The following SLC38A4 variants were observed in gnomAD, a reference collection of about 807,000 sequenced individuals.
The protein encoded by SLC38A4 is sodium-coupled neutral amino acid transporter 4.
In SLC38A4, 20 loss-of-function variants were observed where a neutral mutation model predicts 63.1. The ratio of observed to expected loss-of-function variants is 0.32; its 90% confidence interval spans 0.22 to 0.46. SLC38A4 has a LOEUF of 0.46. Ranked by LOEUF, SLC38A4 falls within the 20% of genes least tolerant of loss-of-function variation. The pLI, the probability that SLC38A4 is intolerant of heterozygous loss-of-function variation, is 1.00. For synonymous variants in SLC38A4, 230 were observed against 225.5 expected, an observed-to-expected ratio of 1.02 and a Z score of -0.18; for missense variants, 526 against 663.6, an observed-to-expected ratio of 0.79 and a Z score of 2.28.
chr12:46,769,293 C>T lies in SLC38A4; in HGVS notation c.1435G>A (p.Gly479Arg), dbSNP rs775214035. Reference protein sequence around the residue: ...ILVPTIKYIFGFIGASSATML... With the variant: ...ILVPTIKYIFRFIGASSATML... ...CCTTTCTGAAACTCACCTATGAATC[C>T]GAAGATGTATTTTATAGTTGGCACA... Residue 479 changes from glycine to arginine, a missense_variant, in exon 15 of 17, where the codon GGA becomes AGA. Coordinates refer to ENST00000266579, the MANE Select transcript of SLC38A4 (RefSeq NM_018018.5). 1.2e-5 allele frequency: 19 copies of T among 1,612,762 alleles called. No homozygotes were observed. Among genetic ancestry groups the T allele is most frequent in the Non-Finnish European group, 8.5e-7 (1 of 1,179,292 alleles).
rs370701861 is a variant in SLC38A4, at chr12:46,794,556, GA to G, written c.-112-1374del. On this transcript the variant is annotated intron_variant, in intron 2 of 16. Coordinates refer to ENST00000266579, the MANE Select transcript of SLC38A4 (RefSeq NM_018018.5). The stretch of plus-strand genomic sequence containing the variant: ...CAAAAAAAGGAATTCTTAAAAAAAA[GA>G]AAAAAATAGAATCATTGAAATTTAA... Among the ~76,000 whole-genome samples, 141 of 150,422 alleles carry G rather than the reference GA, an allele frequency of 9.4e-4. 6 individuals carry two copies. In the East Asian group the frequency reaches 0.016, roughly 17 times the overall value.
intron 14 of SLC38A4, among the ~76,000 whole-genome samples, chr12:46,770,756 T>A (rs1362374406): frequency 6.6e-6 from 1 of 152,152 alleles, no homozygotes; most frequent in East Asian, 1.9e-4. Context: ...GGAATTACTC[T>A]ATCAGCTTTC....
chr12:46,778,776 C>T lies in SLC38A4; in HGVS notation c.718G>A (p.Val240Met), dbSNP rs1324039897. Residue 240 changes from valine (V) to methionine (M), a missense_variant and splice_region_variant, in exon 11 of 17, where the codon GTG (valine) becomes ATG (methionine). By Grantham distance (21) the Val-to-Met change is conservative. Transcript: ENST00000266579. Reference protein sequence around the residue: ...LTCMVFFVSVVIYKKFQIPCP... With the variant: ...LTCMVFFVSVMIYKKFQIPCP... Reference sequence around the variant, plus strand: ...GGTATTTGGAATTTCTTGTAAATCACCTAGACTCAGTCATTAAAAAAGAAA... The same window carrying T: ...GGTATTTGGAATTTCTTGTAAATCATCTAGACTCAGTCATTAAAAAAGAAA... 6.2e-7 allele frequency: 1 copy of T among 1,608,146 alleles called. No homozygotes were observed. The highest frequency in any genetic ancestry group is 8.5e-7 in the Non-Finnish European group (1 of 1,176,298).
chr12:46,811,682 A>G (rs921516915), intron 1 of SLC38A4, among the ~76,000 whole-genome samples: 6 of 152,066 alleles, frequency 3.9e-5, no homozygotes, highest in African/African-American at 1.2e-4. Flanking sequence ...TTGTGATAAT[A>G]AAGGTTACTG....
intron 2 of SLC38A4, among the ~76,000 whole-genome samples, chr12:46,796,165 A>G (rs1351721014): frequency 6.6e-6 from 1 of 152,062 alleles, no homozygotes; most frequent in East Asian, 1.9e-4. Context: ...ACCTTCAGCT[A>G]TATCCGTTTC....
chr12:46,768,171 CT>C, intron 16 of SLC38A4, 138 bp downstream of exon 16: 1 of 570,210 alleles, frequency 1.8e-6, no homozygotes, highest in East Asian at 3.1e-5. Context: ...CCTTTCTCTG[CT>C]ACCAGAAAGT....
At chr12:46,821,841 T>A (rs1203705282) in intron 1 of SLC38A4, among the ~76,000 whole-genome samples, 1 of 152,166 alleles carries the variant, frequency 6.6e-6, no homozygotes, top group East Asian at 1.9e-4. Flanking sequence ...TGTGTTCCCA[T>A]TTATTTTCTG....
At chr12:46,771,275 G>T (rs1238747652) in intron 14 of SLC38A4, among the ~76,000 whole-genome samples, 1 of 152,034 alleles carries the variant, frequency 6.6e-6, no homozygotes, top group Non-Finnish European at 1.5e-5. Flanking sequence ...GCTTTTTATG[G>T]TATATACATA....
chr12:46,808,505 A>G (rs1939279734), intron 1 of SLC38A4, among the ~76,000 whole-genome samples: 1 of 117,660 alleles, frequency 8.5e-6, no homozygotes, highest in Non-Finnish European at 1.8e-5. Context: ...CTCAGCTGAC[A>G]AAACAAGAAA....
chr12:46,808,321 A>T (rs1350986138), intron 1 of SLC38A4, among the ~76,000 whole-genome samples: 1 of 151,984 alleles, frequency 6.6e-6, no homozygotes, highest in Non-Finnish European at 1.5e-5. Flanking sequence ...TGCTTAGCTG[A>T]TCGCACGCCC....
intron 14 of SLC38A4, among the ~76,000 whole-genome samples, chr12:46,772,302 G>A (rs1938434810): frequency 6.6e-6 from 1 of 152,004 alleles, no homozygotes; most frequent in Non-Finnish European, 1.5e-5. Context: ...TTCAAAACAG[G>A]AGATCTGAAG....
intron 1 of SLC38A4, among the ~76,000 whole-genome samples, chr12:46,805,116 C>A (rs2429473): frequency 0.72 from 109,969 of 151,800 alleles, 40,651 homozygotes; most frequent in Non-Finnish European, 0.8. Flanking sequence ...CATTTAAAAT[C>A]GGGTGGAGAT....
At chr12:46,828,299 T>A (rs975278602), upstream of SLC38A4, among the ~76,000 whole-genome samples, 4 of 152,162 alleles carry the variant, frequency 2.6e-5, no homozygotes, top group African/African-American at 9.7e-5. Flanking sequence ...TCCTTTTTTT[T>A]ATTTTTATTT....
chr12:46,766,695 C>T lies in SLC38A4; in HGVS notation c.*6G>A, dbSNP rs1424947075. 1.3e-6 allele frequency: 2 copies of T among 1,570,466 alleles called. No homozygotes were observed. The highest frequency in any genetic ancestry group is 1.7e-6 in the Non-Finnish European group (2 of 1,143,022). ...CCAATAGAAAAAGAAAGTATTTTTCCTTGTGTTAGTGATGCTTGGAATTTG... is the reference window on the plus strand; with the variant it reads ...CCAATAGAAAAAGAAAGTATTTTTCTTTGTGTTAGTGATGCTTGGAATTTG... On this transcript the variant is annotated 3_prime_UTR_variant, in exon 17 of 17. Coordinates refer to ENST00000266579, the MANE Select transcript of SLC38A4 (RefSeq NM_018018.5).
chr12:46,776,031 A>T (rs1251970849), intron 13 of SLC38A4, among the ~76,000 whole-genome samples: 1 of 152,044 alleles, frequency 6.6e-6, no homozygotes, highest in Non-Finnish European at 1.5e-5. Flanking sequence ...TAGAAAAAAA[A>T]CCTAAGCAAA....
chr12:46,817,903 T>C (rs1939472782), intron 1 of SLC38A4, among the ~76,000 whole-genome samples: 1 of 151,936 alleles, frequency 6.6e-6, no homozygotes, highest in African/African-American at 2.4e-5. Flanking sequence ...AATAGAAAAT[T>C]ATTATTAATA....
chr12:46,813,166 C>G (rs1939373693), intron 1 of SLC38A4, among the ~76,000 whole-genome samples: 1 of 151,914 alleles, frequency 6.6e-6, no homozygotes, highest in South Asian at 2.1e-4. Flanking sequence ...GGGAGAGTTA[C>G]AGCTGAACTG....
At chr12:46,830,650 C>G (rs1011579105), upstream of SLC38A4, among the ~76,000 whole-genome samples, 2 of 152,192 alleles carry the variant, frequency 1.3e-5, no homozygotes, top group East Asian at 1.9e-4. Flanking sequence ...CACCCGCCCC[C>G]GTCCGCACAA....
In SLC38A4 at chr12:46,779,871, G is replaced by A. The variant is rs771605203; in HGVS notation, c.576-9C>T. The A allele has an allele frequency of 1.2e-6, 2 of 1,611,128 alleles. No homozygotes were observed. Among genetic ancestry groups the A allele is most frequent in the Non-Finnish European group, 1.7e-6 (2 of 1,178,068 alleles). On this transcript the variant is annotated splice_polypyrimidine_tract_variant and intron_variant, in intron 8 of 16. Transcript: ENST00000266579. ...CATTGAGGTACCATTCTCTAGAAGT[G>A]AGAGACAAGGATATTAGAATCAGAA...
Sources: allele counts gnomAD v4.1 joint callset (sites outside exome capture counted in the v4.1 genomes callset), GRCh38; gene constraint gnomAD v4.1.1; transcripts MANE v1.5; gene names NCBI Gene and HGNC (gene_info 2026-07-23, HGNC 2026-07-21).